Variants in SRGAP3 observed in about 807,000 individuals in gnomAD.
SRGAP3 encodes the protein SLIT-ROBO Rho GTPase-activating protein 3.
In SRGAP3, 39 loss-of-function variants were observed where a neutral mutation model predicts 121.1. The ratio of observed to expected loss-of-function variants is 0.32; its 90% CI spans 0.25 to 0.42. SRGAP3 has a LOEUF of 0.42. Ranked by LOEUF, SRGAP3 falls within the 10% of genes least tolerant of loss-of-function variation. The pLI is 1.00. For missense variants in SRGAP3, 1,213 were observed against 1,470.6 expected (o/e 0.82, Z 2.86); for synonymous variants, 601 against 570.0 (o/e 1.05, Z -0.77).
chr3:9,166,459 C>G (rs772763672), intron 1 of SRGAP3, among the ~76,000 whole-genome samples: 1 of 152,166 alleles, frequency 6.6e-6, no homozygotes, highest in African/African-American at 2.4e-5. Flanking sequence ...GCTTCCCTTG[C>G]AACTAAGGAT....
intron 1 of SRGAP3, among the ~76,000 whole-genome samples, chr3:9,175,271 C>T (rs1366816852): frequency 6.6e-6 from 1 of 152,230 alleles, no homozygotes; most frequent in Non-Finnish European, 1.5e-5. Context: ...GGGCACTTCA[C>T]CTGTCTTATA....
chr3:9,127,637 C>G (rs189089076), intron 1 of SRGAP3, among the ~76,000 whole-genome samples: 168 of 152,254 alleles, frequency 1.1e-3, no homozygotes, highest in African/African-American at 3.9e-3. Context: ...TTAGTAGAGA[C>G]GAGGTTTCAT....
Position 9,313,825 on chromosome 3 carries a change from T to C in SRGAP3, n.442+12185A>G, listed in dbSNP as rs192739347. Among the ~76,000 whole-genome samples, 198 of 152,200 alleles carry C rather than the reference T, an allele frequency of 1.3e-3. 2 individuals carry two copies. The South Asian group carries it at 0.024, about 19-fold the overall frequency. ...GCCTGGCCAATAGGGCGAAACCCCA[T>C]CTCTACTAAAATACAAAAATTAGCC... On this transcript the variant is annotated intron_variant and non_coding_transcript_variant, in intron 3 of 3. Coordinates refer to the SRGAP3 transcript ENST00000490889.
chr3:9,251,102 T>C (rs550425979), upstream of SRGAP3, among the ~76,000 whole-genome samples: 4 of 152,172 alleles, frequency 2.6e-5, no homozygotes, highest in Non-Finnish European at 5.9e-5. Flanking sequence ...CTAGAGGACA[T>C]GGCAGCTGCA....
At chr3:9,331,852 C>G (rs532958839) in intron 1 of SRGAP3, among the ~76,000 whole-genome samples, 29 of 152,238 alleles carry the variant, frequency 1.9e-4, no homozygotes, top group Middle Eastern at 6.8e-3. Context: ...CAACAACCTT[C>G]CAAATGAATT....
chr3:9,124,672 C>G, intron 2 of SRGAP3, 53 bp downstream of exon 2: 1 of 1,609,176 alleles, frequency 6.2e-7, no homozygotes, highest in Admixed American at 1.7e-5. Context: ...ACCAACTGTC[C>G]GCCCACCCCA....
intron 6 of SRGAP3, 74 bp downstream of exon 6, chr3:9,060,157 C>T (rs1389772087): frequency 1.2e-6 from 2 of 1,609,104 alleles, no homozygotes; most frequent in Non-Finnish European, 1.7e-6. Context: ...AAAGACCAGC[C>T]CCTCCTTCAG....
chr3:9,333,079 A>T (rs968347127), intron 1 of SRGAP3, among the ~76,000 whole-genome samples: 1 of 152,236 alleles, frequency 6.6e-6, no homozygotes, highest in African/African-American at 2.4e-5. Flanking sequence ...TAGTTTTATA[A>T]AAACCAGAAT....
At chr3:9,291,674 T>G (rs891278246) in intron 3 of SRGAP3, among the ~76,000 whole-genome samples, 1 of 151,986 alleles carries the variant, frequency 6.6e-6, no homozygotes, top group African/African-American at 2.4e-5. Flanking sequence ...TTCACAAATT[T>G]CATTCACTCA....
intron 3 of SRGAP3, among the ~76,000 whole-genome samples, chr3:9,085,039 T>A (rs1213369992): frequency 6.6e-6 from 1 of 152,234 alleles, no homozygotes; most frequent in African/African-American, 2.4e-5. Context: ...TGTTATGTCT[T>A]CTCTGCACTT....
intron 2 of SRGAP3, among the ~76,000 whole-genome samples, chr3:9,113,150 G>A (rs182763599): frequency 3.6e-4 from 55 of 152,292 alleles, no homozygotes; most frequent in African/African-American, 1.2e-3. Context: ...ATGGGGCTGC[G>A]TACTAGTTTT....
intron 3 of SRGAP3, among the ~76,000 whole-genome samples, chr3:9,259,286 C>CT (rs201685507): frequency 1.8e-4 from 27 of 150,886 alleles, no homozygotes; most frequent in East Asian, 1.2e-3. Flanking sequence ...GTAATTTTTT[C>CT]TTTTTTTTTA....
chr3:9,055,064 G>T (rs1001820038), intron 8 of SRGAP3, among the ~76,000 whole-genome samples: 1 of 152,166 alleles, frequency 6.6e-6, no homozygotes, highest in Non-Finnish European at 1.5e-5. Context: ...TCCTTTGGGG[G>T]AAGATGTAGG....
chr3:9,119,258 T>C (rs1423583935), intron 2 of SRGAP3, among the ~76,000 whole-genome samples: 1 of 152,218 alleles, frequency 6.6e-6, no homozygotes, highest in Admixed American at 6.5e-5. Flanking sequence ...TCCTGGCATC[T>C]GATGGCTTCT....
chr3:9,295,953 T>C (rs1408672493), intron 3 of SRGAP3, among the ~76,000 whole-genome samples: 1 of 152,216 alleles, frequency 6.6e-6, no homozygotes, highest in Non-Finnish European at 1.5e-5. Flanking sequence ...TTCATCCAAC[T>C]TGCTGTATTT....
intron 17 of SRGAP3, among the ~76,000 whole-genome samples, chr3:9,011,734 A>G (rs1943388883): frequency 6.6e-6 from 1 of 152,180 alleles, no homozygotes; most frequent in Non-Finnish European, 1.5e-5. Context: ...AATCCAGCCC[A>G]CAACAGATGA....
chr3:9,321,942 A>G (rs1451205823), intron 3 of SRGAP3, among the ~76,000 whole-genome samples: 1 of 151,598 alleles, frequency 6.6e-6, no homozygotes, highest in Admixed American at 6.6e-5. Flanking sequence ...ACAAAACTGC[A>G]CACATACCAC....
chr3:9,189,569 A>G (rs774345294), intron 1 of SRGAP3, among the ~76,000 whole-genome samples: 5 of 152,120 alleles, frequency 3.3e-5, no homozygotes, highest in Admixed American at 1.3e-4. Flanking sequence ...TGCACCCCAT[A>G]TTCCCTACAC....
chr3:9,014,101 G>GA, intron 15 of SRGAP3: 1 of 527,324 alleles, frequency 1.9e-6, no homozygotes, highest in East Asian at 3.5e-5. Flanking sequence ...AACCCACAGG[G>GA]AGATGCCCTC....
Sources: gnomAD v4.1 joint callset for allele counts (sites outside exome capture counted in the v4.1 genomes callset) on GRCh38, gnomAD v4.1.1 for gene constraint, MANE v1.5 for transcripts, NCBI Gene and HGNC (gene_info 2026-07-23, HGNC 2026-07-21) for gene names.